GPD1L: variants seen among roughly 807,000 people sequenced by gnomAD.
GPD1L encodes the protein glycerol-3-phosphate dehydrogenase 1-like protein.
Under a neutral mutation model 32.9 loss-of-function variants are expected in GPD1L, and 17 were observed. That is an observed-to-expected ratio of 0.52 (90% CI 0.35 to 0.78). The LOEUF is 0.78. GPD1L is among the 30% of genes least tolerant of loss of function. The pLI is 0.01. For synonymous variants in GPD1L, 187 were observed against 165.9 expected, an observed-to-expected ratio of 1.13 and a Z score of -0.98; for missense variants, 361 against 447.8, an observed-to-expected ratio of 0.81 and a Z score of 1.75.
chr3:32,149,719 G>A (rs555846511), intron 5 of GPD1L, among the ~76,000 whole-genome samples: 2 of 152,168 alleles, frequency 1.3e-5, no homozygotes, highest in African/African-American at 2.4e-5. Flanking sequence ...AGGCCAAGGC[G>A]GGTGGATCAC....
chr3:32,162,915 T>C lies in GPD1L; in HGVS notation c.960-2899T>C, dbSNP rs186402124. ...CTGGGATTACAGGCGTGTGCCCCTA[T>C]ACCCAGCTAATTTTTGCATTTTTAG... On this transcript the variant is annotated intron_variant, in intron 7 of 7. Coordinates refer to ENST00000282541, the MANE Select transcript of GPD1L (RefSeq NM_015141.4). Among the ~76,000 whole-genome samples the C allele has an allele frequency of 3.3e-5, 5 of 151,856 alleles. No individual in the cohort carries two copies. In the East Asian group the frequency reaches 5.9e-4, roughly 18 times the overall value.
chr3:32,145,581 G>A (rs538456732), intron 4 of GPD1L, among the ~76,000 whole-genome samples: 10 of 151,368 alleles, frequency 6.6e-5, no homozygotes, highest in Middle Eastern at 3.4e-3. Context: ...AGTGACTTGA[G>A]GGAGGGGCTG....
At position 32,140,366 on chromosome 3, in the gene GPD1L, G is replaced by A. The variant is rs1446434571; in HGVS notation, c.505G>A (p.Gly169Ser). Residue 169 changes from glycine (G) to serine (S), a missense_variant and splice_region_variant, in exon 4 of 8, where the codon GGC becomes AGC. Coordinates refer to ENST00000282541, the MANE Select transcript of GPD1L (RefSeq NM_015141.4). Reference sequence around the variant, plus strand: ...AGAGAAGTTCTGTGAGACCACCATCGGTAAGCACTGCCTGGGAGGGACCCC... The same window carrying A: ...AGAGAAGTTCTGTGAGACCACCATCAGTAAGCACTGCCTGGGAGGGACCCC... ...AAEKFCETTI[G>S]SKVMENGLLF... 2.3e-5 allele frequency: 37 copies of A among 1,613,974 alleles called. No individual in the cohort carries two copies. The highest frequency in any genetic ancestry group is 3.0e-5 in the Non-Finnish European group (35 of 1,179,990).
intron 2 of GPD1L, among the ~76,000 whole-genome samples, chr3:32,130,784 G>A (rs1337180419): frequency 1.3e-5 from 2 of 152,088 alleles, no homozygotes; most frequent in Non-Finnish European, 1.5e-5. Flanking sequence ...AGGCTGAGGG[G>A]GGCGGATCAC....
chr3:32,153,956 A>G (rs564876333), intron 5 of GPD1L, among the ~76,000 whole-genome samples: 6 of 152,200 alleles, frequency 3.9e-5, no homozygotes, highest in South Asian at 2.1e-4. Flanking sequence ...TCTGAAAATT[A>G]TGGTATTTTT....
intron 1 of GPD1L, among the ~76,000 whole-genome samples, chr3:32,126,551 A>C (rs760926911): frequency 2.0e-5 from 3 of 152,228 alleles, no homozygotes; most frequent in Non-Finnish European, 4.4e-5. Context: ...TGTTTCCAAG[A>C]TTAGAATAAA....
At chr3:32,118,236 GTT>G (rs1700358277) in intron 1 of GPD1L, among the ~76,000 whole-genome samples, 1 of 152,192 alleles carries the variant, frequency 6.6e-6, no homozygotes. Flanking sequence ...ACACATGCCT[GTT>G]TGGGAAAATT....
chr3:32,125,008 C>T (rs1365857040), intron 1 of GPD1L, among the ~76,000 whole-genome samples: 8 of 144,072 alleles, frequency 5.6e-5, no homozygotes, highest in African/African-American at 2.1e-4. Flanking sequence ...CTCCTCCATG[C>T]CCTGCCTCCC....
intron 1 of GPD1L, among the ~76,000 whole-genome samples, chr3:32,113,323 T>C (rs1211413830): frequency 6.6e-6 from 1 of 152,110 alleles, no homozygotes; most frequent in Non-Finnish European, 1.5e-5. Context: ...ACCTCTAACT[T>C]TTACCTGTTA....
intron 1 of GPD1L, among the ~76,000 whole-genome samples, chr3:32,113,756 T>C (rs1575106374): frequency 6.6e-6 from 1 of 152,206 alleles, no homozygotes; most frequent in Non-Finnish European, 1.5e-5. Flanking sequence ...GGTTTAACAA[T>C]GTGGGCTGAC....
rs536724239 is a variant in GPD1L, at chr3:32,139,895, G to A, written c.367-333G>A. ...CATTGTCTAGGGACCATCCGATGTG[G>A]TAAAATAGTCAAGAAAAGCAAGGGA... is the stretch of plus-strand genomic sequence containing the variant. On this transcript the variant is annotated intron_variant, in intron 3 of 7. Coordinates refer to ENST00000282541, the MANE Select transcript of GPD1L (RefSeq NM_015141.4). 1.8e-4 allele frequency among the ~76,000 whole-genome samples: 27 copies of A among 152,266 alleles called. 1 individual carries two copies. In the South Asian group the frequency reaches 4.8e-3, roughly 27 times the overall value.
intron 5 of GPD1L, among the ~76,000 whole-genome samples, chr3:32,148,631 T>G (rs1303399062): frequency 1.3e-5 from 2 of 152,156 alleles, no homozygotes; most frequent in Admixed American, 1.3e-4. Context: ...CAAATGACTT[T>G]AGGGTAGCAA....
At chr3:32,157,401 T>G (rs1701008932) in intron 5 of GPD1L, among the ~76,000 whole-genome samples, 1 of 152,140 alleles carries the variant, frequency 6.6e-6, no homozygotes, top group Admixed American at 6.5e-5. Context: ...AGCCAGATTG[T>G]CAGCTCCTTG....
intron 1 of GPD1L, among the ~76,000 whole-genome samples, chr3:32,125,563 G>C (rs1266043253): frequency 6.6e-6 from 1 of 152,194 alleles, no homozygotes; most frequent in Non-Finnish European, 1.5e-5. Flanking sequence ...AGAAGGTTGA[G>C]CCTGGGAGAC....
intron 1 of GPD1L, among the ~76,000 whole-genome samples, chr3:32,117,678 A>C (rs1029565612): frequency 6.6e-6 from 1 of 152,210 alleles, no homozygotes; most frequent in African/African-American, 2.4e-5. Flanking sequence ...TATTTATCTA[A>C]AAAGTTTGTG....
chr3:32,110,400 C>T (rs1700230300), intron 1 of GPD1L, among the ~76,000 whole-genome samples: 1 of 152,138 alleles, frequency 6.6e-6, no homozygotes, highest in Admixed American at 6.6e-5. Context: ...TGGTTCTTAC[C>T]TCAGGAATGT....
At chr3:32,158,482 C>T in intron 5 of GPD1L, 1 of 309,422 alleles carries the variant, frequency 3.2e-6, no homozygotes, top group Non-Finnish European at 6.2e-6. Flanking sequence ...GAAAATTCTT[C>T]AATCCGTGCA....
chr3:32,114,523 G>A (rs1431708537), intron 1 of GPD1L, among the ~76,000 whole-genome samples: 2 of 152,178 alleles, frequency 1.3e-5, no homozygotes, highest in Non-Finnish European at 2.9e-5. Context: ...AGTAACAAAT[G>A]TTACTATGGG....
In GPD1L at chr3:32,140,422, TAC is replaced by T. The variant is rs1415237627; in HGVS notation, c.505+58_505+59del. On this transcript the variant is annotated intron_variant, in intron 4 of 7. Transcript: ENST00000282541. ...TCTGGACATTTGATGTTTGAACATGTACATATTCCATTTCTGATATTTTCTGT... is the reference window on the plus strand; with the variant it reads ...TCTGGACATTTGATGTTTGAACATGTATATTCCATTTCTGATATTTTCTGT... 2.5e-6 allele frequency: 4 copies of T among 1,569,446 alleles called. No homozygotes were observed. In the African/African-American group the frequency reaches 5.4e-5, roughly 21 times the overall value.
Sources: gnomAD v4.1 joint callset for allele counts (sites outside exome capture counted in the v4.1 genomes callset) on GRCh38, gnomAD v4.1.1 for gene constraint, MANE v1.5 for transcripts, NCBI Gene and HGNC (gene_info 2026-07-23, HGNC 2026-07-21) for gene names.